The following SPIDR variants were observed in gnomAD, a reference collection of about 807,000 sequenced individuals.
The protein encoded by SPIDR is scaffold protein involved in DNA repair, also known as DNA repair-scaffolding protein.
In SPIDR, 93 loss-of-function variants were observed where a neutral mutation model predicts 104.6. The observed-to-expected ratio is 0.89, with a 90% CI of 0.75 to 1.06. The LOEUF is 1.06. Among genes scored for constraint, SPIDR ranks in the 50% least tolerant of loss-of-function variants. SPIDR has a pLI of 0.00. For missense variants in SPIDR, 1,154 were observed against 1,111.2 expected (o/e 1.04, Z -0.55); for synonymous variants, 431 against 416.9 (o/e 1.03, Z -0.41).
Position 47,396,505 on chromosome 8 carries a change from A to G in SPIDR, c.655A>G (p.Ile219Val), listed in dbSNP as rs782796743. The G allele has an allele frequency of 1.9e-6, 3 of 1,614,172 alleles. No individual in the cohort carries two copies. The South Asian group carries it at 3.3e-5, about 18-fold the overall frequency. The change falls in exon 6 of 20, where the codon ATT becomes GTT. Residue 219 changes from isoleucine to valine, a missense_variant. Physicochemically the swap from Ile to Val is conservative, Grantham distance 29. Transcript: ENST00000297423. ...GCAGTTTGCATCGGATGCAAGACAG[A>G]TTATGGAGAGACTGATAGATCCAAG... is the stretch of plus-strand genomic sequence containing the variant. ...HVQFASDARQ[I>V]MERLIDPRTK...
At chr8:47,613,164 C>G (rs182765816) in intron 10 of SPIDR, among the ~76,000 whole-genome samples, 2 of 152,260 alleles carry the variant, frequency 1.3e-5, no homozygotes, top group African/African-American at 4.8e-5. Flanking sequence ...TAACCCCTTC[C>G]CCAGCCCATT....
chr8:47,457,770 G>A (rs781935498), intron 8 of SPIDR, among the ~76,000 whole-genome samples: 2 of 152,074 alleles, frequency 1.3e-5, no homozygotes, highest in Non-Finnish European at 2.9e-5. Context: ...TTTTGTATAA[G>A]GTGACAGCTG....
At chr8:47,508,173 G>A (rs1398673561) in intron 8 of SPIDR, among the ~76,000 whole-genome samples, 1 of 152,164 alleles carries the variant, frequency 6.6e-6, no homozygotes, top group Non-Finnish European at 1.5e-5. Context: ...ATCATGTCTT[G>A]TGGGCTGGTA....
intron 5 of SPIDR, 177 bp downstream of exon 5, chr8:47,294,207 T>C (rs1247810561): frequency 1.8e-5 from 13 of 703,330 alleles, no homozygotes; most frequent in Non-Finnish European, 2.8e-5. Flanking sequence ...TGTGCTGTAC[T>C]TCTCAACATG....
chr8:47,542,019 C>T (rs1021366369), intron 8 of SPIDR, among the ~76,000 whole-genome samples: 1 of 152,182 alleles, frequency 6.6e-6, no homozygotes, highest in Non-Finnish European at 1.5e-5. Context: ...CCCCCAGGCA[C>T]ATTCTGGAAA....
chr8:47,536,689 A>G (rs1226880645), intron 8 of SPIDR, among the ~76,000 whole-genome samples: 1 of 152,202 alleles, frequency 6.6e-6, no homozygotes, highest in Non-Finnish European at 1.5e-5. Flanking sequence ...AATCTAGATG[A>G]CTTTAAGTTT....
intron 8 of SPIDR, among the ~76,000 whole-genome samples, chr8:47,503,328 G>A (rs564999386): frequency 3.3e-5 from 5 of 152,230 alleles, no homozygotes; most frequent in East Asian, 1.9e-4. Flanking sequence ...CTCCTGTATT[G>A]GGTGCATATA....
At chr8:47,499,722 C>T (rs543344116) in intron 8 of SPIDR, among the ~76,000 whole-genome samples, 9 of 152,014 alleles carry the variant, frequency 5.9e-5, no homozygotes, top group East Asian at 3.9e-4. Flanking sequence ...TGTGCCATGT[C>T]GGTATGCTAC....
At chr8:47,591,848 A>G in intron 8 of SPIDR, among the ~76,000 whole-genome samples, 1 of 151,674 alleles carries the variant, frequency 6.6e-6, no homozygotes, top group Non-Finnish European at 1.5e-5. Context: ...CTTCATTCAC[A>G]GTGCTTTATA....
intron 8 of SPIDR, among the ~76,000 whole-genome samples, chr8:47,563,989 A>AACTT (rs2057424114): frequency 1.3e-5 from 2 of 152,116 alleles, no homozygotes. Context: ...TGTGAAGAAG[A>AACTT]ACTTAAATCC....
chr8:47,735,412 G>A lies in SPIDR; in HGVS notation c.2710G>A (p.Glu904Lys). Reference protein sequence around the residue: ...PTSCIGLEEIELLSAGGASAE... With the variant: ...PTSCIGLEEIKLLSAGGASAE... ...CAGCTGCATTGGATTGGAGGAAATC[G>A]AGCTTCTGAGTGCAGGAGGGGCCTC... is the stretch of plus-strand genomic sequence containing the variant. The change falls in exon 20 of 20, where the codon GAG becomes AAG. Residue 904 changes from glutamate to lysine, a missense_variant. Physicochemically the swap from Glu to Lys is moderately conservative, Grantham distance 56. Coordinates refer to ENST00000297423, the MANE Select transcript of SPIDR (RefSeq NM_001080394.4). 6.2e-7 allele frequency: 1 copy of A among 1,614,164 alleles called. No homozygotes were observed. The highest frequency in any genetic ancestry group is 8.5e-7 in the Non-Finnish European group (1 of 1,180,034).
At chr8:47,353,353 G>A (rs1284820905) in intron 5 of SPIDR, among the ~76,000 whole-genome samples, 1 of 152,150 alleles carries the variant, frequency 6.6e-6, no homozygotes, top group African/African-American at 2.4e-5. Context: ...GCTGCAACGC[G>A]TGAGAGTGCT....
intron 5 of SPIDR, among the ~76,000 whole-genome samples, chr8:47,374,049 T>C (rs181494566): frequency 6.6e-6 from 1 of 152,340 alleles, no homozygotes; most frequent in Non-Finnish European, 1.5e-5. Flanking sequence ...ATTCTAGGTG[T>C]GGTGATGGTT....
In SPIDR at chr8:47,288,573, G is replaced by A. The variant is rs782670790; in HGVS notation, c.257-2460G>A. On this transcript the variant is annotated intron_variant, in intron 3 of 19. Transcript: ENST00000297423. ...TCTAGGATTACAGGCGTGAGCCACCGCTCCCTGCTGATAACTTCCTTCTTG... is the reference window on the plus strand; with the variant it reads ...TCTAGGATTACAGGCGTGAGCCACCACTCCCTGCTGATAACTTCCTTCTTG... 3.1e-4 allele frequency among the ~76,000 whole-genome samples: 47 copies of A among 152,212 alleles called. No homozygotes were observed. In the East Asian group the frequency reaches 4.8e-3, roughly 16 times the overall value.
intron 8 of SPIDR, chr8:47,592,248 C>A: frequency 7.7e-7 from 1 of 1,292,482 alleles, no homozygotes; most frequent in Non-Finnish European, 1.1e-6. Context: ...GCTAATGGAT[C>A]GTCTGGATTG....
At chr8:47,698,733 C>A (rs991251156) in intron 11 of SPIDR, among the ~76,000 whole-genome samples, 10 of 152,028 alleles carry the variant, frequency 6.6e-5, no homozygotes, top group Admixed American at 5.9e-4. Flanking sequence ...GTAATGACAC[C>A]AAAAAGGGTT....
chr8:47,632,604 G>C (rs527399122), intron 10 of SPIDR, among the ~76,000 whole-genome samples: 1 of 151,752 alleles, frequency 6.6e-6, no homozygotes, highest in African/African-American at 2.4e-5. Context: ...AAAGAATGTC[G>C]GCAAACTCTA....
chr8:47,677,301 T>C (rs1189414335), intron 11 of SPIDR, among the ~76,000 whole-genome samples: 2 of 152,226 alleles, frequency 1.3e-5, no homozygotes, highest in Non-Finnish European at 2.9e-5. Flanking sequence ...CTGTTTATTA[T>C]ATGCTTTTAT....
intron 10 of SPIDR, among the ~76,000 whole-genome samples, chr8:47,632,302 G>A (rs1001791897): frequency 1.3e-5 from 2 of 152,104 alleles, no homozygotes; most frequent in African/African-American, 2.4e-5. Context: ...GTTAACACAT[G>A]GTACCCAGGC....
Sources: gnomAD v4.1 joint callset for allele counts (sites outside exome capture counted in the v4.1 genomes callset) on GRCh38, gnomAD v4.1.1 for gene constraint, MANE v1.5 for transcripts, NCBI Gene and HGNC (gene_info 2026-07-23, HGNC 2026-07-21) for gene names.